Variants in ATRNL1 observed in about 807,000 individuals in gnomAD.
ATRNL1 encodes the protein attractin like 1.
ATRNL1 carries 95 observed loss-of-function variants against 182.7 expected under a neutral mutation model. That is an observed-to-expected ratio of 0.52 (90% CI 0.44 to 0.62). The LOEUF is 0.62. ATRNL1 is among the 20% of genes least tolerant of loss of function. ATRNL1 has a pLI of 0.00. For synonymous variants in ATRNL1, 576 were observed against 568.3 expected (o/e 1.01, Z -0.19); for missense variants, 1,471 against 1,679.5 (o/e 0.88, Z 2.17).
chr10:115,267,181 G>A (rs1851643118), intron 12 of ATRNL1, among the ~76,000 whole-genome samples, 176 bp downstream of exon 12: 4 of 150,586 alleles, frequency 2.7e-5, no homozygotes, highest in Non-Finnish European at 1.5e-5. Flanking sequence ...ACATTTATTA[G>A]CTATTTTTAG....
chr10:115,583,771 G>T (rs1328265375), intron 26 of ATRNL1, among the ~76,000 whole-genome samples: 2 of 150,648 alleles, frequency 1.3e-5, no homozygotes, highest in Non-Finnish European at 3.0e-5. Flanking sequence ...GCCCTGGCCA[G>T]AACTTCCAAC....
chr10:115,721,473 T>TA (rs1228506675), intron 26 of ATRNL1, among the ~76,000 whole-genome samples: 1 of 152,166 alleles, frequency 6.6e-6, no homozygotes, highest in Non-Finnish European at 1.5e-5. Context: ...TAATTGGACT[T>TA]ACAATTCCAT....
intron 28 of ATRNL1, among the ~76,000 whole-genome samples, chr10:115,868,021 C>T (rs1017052044): frequency 1.3e-5 from 2 of 152,150 alleles, no homozygotes; most frequent in African/African-American, 4.8e-5. Context: ...GCCTCAGCCT[C>T]CCAAAGTGCT....
intron 8 of ATRNL1, among the ~76,000 whole-genome samples, chr10:115,214,046 A>ACG (rs1849131453): frequency 7.0e-6 from 1 of 143,394 alleles, no homozygotes; most frequent in Admixed American, 6.9e-5. Flanking sequence ...ATATGTACAC[A>ACG]CACACACACA....
At chr10:115,407,933 G>A (rs548780067) in intron 20 of ATRNL1, among the ~76,000 whole-genome samples, 1 of 148,118 alleles carries the variant, frequency 6.8e-6, no homozygotes, top group East Asian at 2.0e-4. Context: ...TTTTAACACA[G>A]CCATTTTAAC....
At chr10:115,729,495 T>TTGTGTGTGTGTGTGTG (rs139166434) in intron 27 of ATRNL1, among the ~76,000 whole-genome samples, 211 of 142,154 alleles carry the variant, frequency 1.5e-3, no homozygotes, top group African/African-American at 4.9e-3. Flanking sequence ...CTACCCCATT[T>TTGTGTGTGTGTGTGTG]TGTGTGTGTG....
At chr10:115,784,823 C>A (rs1177801091) in intron 27 of ATRNL1, among the ~76,000 whole-genome samples, 1 of 152,242 alleles carries the variant, frequency 6.6e-6, no homozygotes, top group East Asian at 1.9e-4. Context: ...CCAATACGAC[C>A]TCATTTTAAC....
At chr10:115,374,851 A>C (rs1378864396) in intron 19 of ATRNL1, among the ~76,000 whole-genome samples, 1 of 151,944 alleles carries the variant, frequency 6.6e-6, no homozygotes, top group East Asian at 1.9e-4. Flanking sequence ...ATATGATTTC[A>C]GTCTTCTTGA....
At chr10:115,325,231 C>A (rs1344060719) in intron 18 of ATRNL1, among the ~76,000 whole-genome samples, 1 of 152,094 alleles carries the variant, frequency 6.6e-6, no homozygotes, top group African/African-American at 2.4e-5. Context: ...GATGACTTCT[C>A]TTTAGTTTTA....
At chr10:115,763,760 A>G (rs914852099) in intron 27 of ATRNL1, among the ~76,000 whole-genome samples, 4 of 152,206 alleles carry the variant, frequency 2.6e-5, no homozygotes, top group Non-Finnish European at 4.4e-5. Context: ...ACATATACAT[A>G]TGTATGTATG....
intron 18 of ATRNL1, among the ~76,000 whole-genome samples, chr10:115,325,895 T>C (rs1404543220): frequency 1.5e-5 from 2 of 137,842 alleles, no homozygotes; most frequent in Non-Finnish European, 3.1e-5. Context: ...ATGTTAAAAC[T>C]TTTTTTTTTT....
rs1350168964 is a variant in ATRNL1, at chr10:115,246,660, A to T, written c.1687+4935A>T. On this transcript the variant is annotated intron_variant, in intron 10 of 28. Transcript: ENST00000355044. Reference sequence around the variant, plus strand: ...ACTGCAAGCTCCACTTCCTGGGTTCACGCCATTCTCCTGCCTCAGCCTCCC... The same window carrying T: ...ACTGCAAGCTCCACTTCCTGGGTTCTCGCCATTCTCCTGCCTCAGCCTCCC... Among the ~76,000 whole-genome samples, 2 of 81,748 alleles carry T rather than the reference A, an allele frequency of 2.4e-5. 1 individual carries two copies. Among genetic ancestry groups the T allele is most frequent in the Non-Finnish European group, 5.2e-5 (2 of 38,234 alleles). 53.6% of individuals were successfully genotyped at this position (81,748 alleles called of 152,430 possible). A position where few individuals can be genotyped will look rare whatever the true frequency, so the allele number is the denominator to read the frequency against.
chr10:115,827,211 G>A (rs1950455562), intron 27 of ATRNL1, among the ~76,000 whole-genome samples: 1 of 152,186 alleles, frequency 6.6e-6, no homozygotes, highest in South Asian at 2.1e-4. Context: ...AAGTCCGACA[G>A]CATTGACTTT....
chr10:115,632,978 C>T (rs1858615064), intron 26 of ATRNL1, among the ~76,000 whole-genome samples: 3 of 151,564 alleles, frequency 2.0e-5, no homozygotes, highest in Admixed American at 6.6e-5. Flanking sequence ...CTACAACCTC[C>T]GCCTCCCGGA....
chr10:115,770,838 TGATA>T (rs572532251), intron 27 of ATRNL1, among the ~76,000 whole-genome samples: 4 of 152,328 alleles, frequency 2.6e-5, no homozygotes, highest in Admixed American at 2.6e-4. Context: ...AAGAATTTAT[TGATA>T]GATTTTCTCA....
At chr10:115,513,354 G>A (rs547839746) in intron 24 of ATRNL1, among the ~76,000 whole-genome samples, 2 of 152,076 alleles carry the variant, frequency 1.3e-5, no homozygotes, top group Admixed American at 6.6e-5. Context: ...TCCCACCCAC[G>A]TGAGTAGTAG....
At chr10:115,422,650 G>T (rs1234388750) in intron 20 of ATRNL1, among the ~76,000 whole-genome samples, 1 of 152,140 alleles carries the variant, frequency 6.6e-6, no homozygotes, top group African/African-American at 2.4e-5. Context: ...TCAGAGCAGA[G>T]TTACCATTTG....
chr10:115,922,288 G>A, intron 28 of ATRNL1, among the ~76,000 whole-genome samples: 1 of 152,114 alleles, frequency 6.6e-6, no homozygotes, highest in East Asian at 1.9e-4. Flanking sequence ...AGCAGAGGAA[G>A]GGTGGTTTGC....
chr10:115,477,555 A>G (rs551328523), intron 24 of ATRNL1, among the ~76,000 whole-genome samples: 2 of 151,568 alleles, frequency 1.3e-5, no homozygotes, highest in East Asian at 2.0e-4. Context: ...ATGGTGCAAG[A>G]AAAAAAATTG....
Sources: gnomAD v4.1 joint callset for allele counts (sites outside exome capture counted in the v4.1 genomes callset) on GRCh38, gnomAD v4.1.1 for gene constraint, MANE v1.5 for transcripts, NCBI Gene and HGNC (gene_info 2026-07-23, HGNC 2026-07-21) for gene names.